The following PCMT1 variants were observed in gnomAD, a reference collection of about 807,000 sequenced individuals.
The protein encoded by PCMT1 is protein-L-isoaspartate(D-aspartate) O-methyltransferase.
PCMT1 carries 9 observed loss-of-function variants against 29.2 expected under a neutral mutation model. The ratio of observed to expected loss-of-function variants is 0.31; its 90% CI spans 0.19 to 0.54. The LOEUF (loss-of-function observed/expected upper bound fraction) is 0.54, where lower values mean the gene tolerates loss of function less well. PCMT1 is among the 20% of genes least tolerant of loss of function. The pLI is 0.95. For missense variants in PCMT1, 184 were observed against 282.2 expected, an observed-to-expected ratio of 0.65 and a Z score of 2.49; for synonymous variants, 98 against 97.5, an observed-to-expected ratio of 1.00 and a Z score of -0.03.
intron 6 of PCMT1, among the ~76,000 whole-genome samples, chr6:149,801,996 G>A (rs1775841020): frequency 6.6e-6 from 1 of 152,072 alleles, no homozygotes; most frequent in Non-Finnish European, 1.5e-5. Context: ...GGGCATGGTG[G>A]CGTGTGCCTG....
rs561933626 is a variant in PCMT1 at position 149,773,781 on chromosome 6, CAGTT to C, written c.192+614_192+617del. On this transcript the variant is annotated intron_variant, in intron 3 of 7. Transcript: ENST00000464889. The stretch of plus-strand genomic sequence containing the variant: ...TGAACATAAAAGGTTATTTAGTAGA[CAGTT>C]AATTAATGGAGATAATATTTTAAAT... Among the ~76,000 whole-genome samples, 185 of 152,152 alleles carry C rather than the reference CAGTT, an allele frequency of 1.2e-3. 1 individual carries two copies. The highest frequency in any genetic ancestry group is 3.5e-3 in the African/African-American group (146 of 41,506).
chr6:149,774,767 C>T (rs1489975966), intron 3 of PCMT1, among the ~76,000 whole-genome samples: 4 of 141,454 alleles, frequency 2.8e-5, no homozygotes, highest in South Asian at 2.2e-4. Flanking sequence ...AGTGCAGTGG[C>T]GCCATCTTGG....
chr6:149,790,167 A>G, intron 4 of PCMT1, 109 bp downstream of exon 4: 1 of 676,880 alleles, frequency 1.5e-6, no homozygotes, highest in Non-Finnish European at 2.5e-6. Context: ...TAATTCTATT[A>G]GGATAGCAGT....
At chr6:149,798,473 A>G (rs531202571) in intron 6 of PCMT1, among the ~76,000 whole-genome samples, 118 of 152,304 alleles carry the variant, frequency 7.7e-4, no homozygotes, top group African/African-American at 2.8e-3. Flanking sequence ...TTGTAGTAAT[A>G]CTTGCAAGTA....
At chr6:149,802,515 A>G (rs1337799352) in intron 7 of PCMT1, 99 bp downstream of exon 7, 1 of 1,303,268 alleles carries the variant, frequency 7.7e-7, no homozygotes, top group Non-Finnish European at 9.8e-7. Flanking sequence ...CATTACATTA[A>G]AAATGTGAAA....
chr6:149,796,615 ATTT>A, intron 6 of PCMT1, 115 bp downstream of exon 6: 1 of 676,304 alleles, frequency 1.5e-6, no homozygotes, highest in South Asian at 2.2e-5. Context: ...TATATCATAC[ATTT>A]TGGTTACATT....
intron 1 of PCMT1, among the ~76,000 whole-genome samples, chr6:149,764,692 A>G (rs954804911): frequency 6.6e-6 from 1 of 152,096 alleles, no homozygotes; most frequent in Non-Finnish European, 1.5e-5. Context: ...ATAAACTATG[A>G]TGGTGCCACT....
Position 149,802,339 on chromosome 6 carries a change from C to A in PCMT1, c.644C>A (p.Pro215His). 1 of 1,612,720 alleles carries A rather than the reference C, an allele frequency of 6.2e-7. No homozygotes were observed. Among genetic ancestry groups the A allele is most frequent in the Non-Finnish European group, 8.5e-7 (1 of 1,179,356 alleles). ...CCTCTGATGGGGGTGATATACGTGC[C>A]TTTAACAGATAAAGAAAAGCAGTGG... ...MKPLMGVIYVPLTDKEKQWSR... is the reference protein window; with the variant it reads ...MKPLMGVIYVHLTDKEKQWSR... The change falls in exon 7 of 8, where the codon CCT (proline) becomes CAT (histidine). Residue 215 changes from proline (P) to histidine (H), a missense_variant. Pro to His is a moderately conservative substitution (Grantham distance 77). Coordinates refer to ENST00000464889, the MANE Select transcript of PCMT1 (RefSeq NM_001360452.2).
chr6:149,771,331 A>G (rs1489108036), intron 2 of PCMT1, 65 bp downstream of exon 2: 2 of 1,007,546 alleles, frequency 2.0e-6, no homozygotes, highest in Non-Finnish European at 3.1e-6. Context: ...TTGGAAGTAG[A>G]AAAAGCCTGG....
chr6:149,762,677 ATATATC>A (rs1301783426), intron 1 of PCMT1, among the ~76,000 whole-genome samples: 1 of 29,670 alleles, frequency 3.4e-5, no homozygotes, highest in Non-Finnish European at 4.3e-5. Flanking sequence ...TATGATATAT[ATATATC>A]TATGATATAT....
intron 3 of PCMT1, among the ~76,000 whole-genome samples, chr6:149,788,075 G>A (rs1325364116): frequency 1.3e-5 from 2 of 152,002 alleles, no homozygotes; most frequent in Non-Finnish European, 2.9e-5. Flanking sequence ...CCACCACCAC[G>A]CCCAGCTAAT....
At chr6:149,770,296 T>A (rs1787257781) in intron 1 of PCMT1, among the ~76,000 whole-genome samples, 1 of 152,188 alleles carries the variant, frequency 6.6e-6, no homozygotes, top group South Asian at 2.1e-4. Context: ...AATTGGTAAA[T>A]GGCATCAGCG....
At chr6:149,756,524 T>A in intron 1 of PCMT1, among the ~76,000 whole-genome samples, 1 of 138,682 alleles carries the variant, frequency 7.2e-6, no homozygotes, top group African/African-American at 2.7e-5. Context: ...TTTTTTTTTT[T>A]TTTTTTTTTT....
At chr6:149,758,208 C>CTTTTTTTTT (rs756014067) in intron 1 of PCMT1, among the ~76,000 whole-genome samples, 4 of 73,912 alleles carry the variant, frequency 5.4e-5, no homozygotes, top group African/African-American at 1.6e-4. Flanking sequence ...TTCTTTCTTT[C>CTTTTTTTTT]TTTTTTTTTT....
chr6:149,796,731 C>CT, intron 6 of PCMT1: 1 of 388,876 alleles, frequency 2.6e-6, no homozygotes, highest in Admixed American at 4.4e-5. Flanking sequence ...CAGGTAAGAA[C>CT]TAGGACAACA....
intron 1 of PCMT1, among the ~76,000 whole-genome samples, chr6:149,760,713 A>G (rs555778048): frequency 7.2e-5 from 11 of 152,228 alleles, no homozygotes; most frequent in South Asian, 6.2e-4. Flanking sequence ...ATAGCTGGGC[A>G]TGGTGGTGCA....
intron 1 of PCMT1, among the ~76,000 whole-genome samples, chr6:149,769,273 G>A (rs1337729398): frequency 6.8e-6 from 1 of 148,068 alleles, no homozygotes; most frequent in African/African-American, 2.6e-5. Context: ...GTAGTGGGGA[G>A]GAAAAGGGGA....
rs150235816 is a variant in PCMT1 at position 149,769,533 on chromosome 6, C to G, written c.56-1629C>G. Among the ~76,000 whole-genome samples, 345 of 151,600 alleles carry G rather than the reference C, an allele frequency of 2.3e-3. 1 individual carries two copies. The highest frequency in any genetic ancestry group is 8.0e-3 in the African/African-American group (331 of 41,288). On this transcript the variant is annotated intron_variant, in intron 1 of 7. Transcript: ENST00000464889. ...TTCACCATGTTGGACAGGCTGGTCT[C>G]AAACTCCTGACCTTAAGTAATTTGC...
chr6:149,806,507 T>C (rs1428477583), intron 7 of PCMT1, among the ~76,000 whole-genome samples: 1 of 152,202 alleles, frequency 6.6e-6, no homozygotes, highest in Non-Finnish European at 1.5e-5. Context: ...CTGGGAATTA[T>C]CATCTAAAAA....
Sources: allele counts gnomAD v4.1 joint callset (sites outside exome capture counted in the v4.1 genomes callset), GRCh38; gene constraint gnomAD v4.1.1; transcripts MANE v1.5; gene names NCBI Gene and HGNC (gene_info 2026-07-23, HGNC 2026-07-21).